Variants in CAST observed in about 807,000 individuals in gnomAD.
CAST encodes MIR583 host.
A neutral mutation model predicts 119.6 loss-of-function variants in CAST; 76 were observed. The observed-to-expected ratio is 0.64, with a 90% CI of 0.53 to 0.77. CAST has a LOEUF of 0.77. CAST is among the 30% of genes least tolerant of loss of function. The pLI is 0.00. For missense variants in CAST, 953 were observed against 946.5 expected, an observed-to-expected ratio of 1.01 and a Z score of -0.09; for synonymous variants, 319 against 331.6, an observed-to-expected ratio of 0.96 and a Z score of 0.41.
chr5:96,400,169 C>A, the CAST span: 1 of 1,613,930 alleles, frequency 6.2e-7, no homozygotes, highest in Non-Finnish European at 8.5e-7. Flanking sequence ...CTGCATATCT[C>A]GCCAGGTGAG....
intron 24 of CAST, among the ~76,000 whole-genome samples, chr5:96,759,620 G>A (rs952353251): frequency 1.3e-5 from 2 of 151,618 alleles, no homozygotes; most frequent in African/African-American, 2.4e-5. Context: ...TGAAAATAGC[G>A]GCATGAAAGT....
At chr5:95,970,458 A>T in the CAST span, among the ~76,000 whole-genome samples, 398 of 152,380 alleles carry the variant, frequency 2.6e-3, no homozygotes, top group African/African-American at 8.6e-3. Context: ...CAAGCATTTA[A>T]TGAAAGATCA....
At chr5:96,590,107 G>T (rs1226554668) in intron 1 of CAST, among the ~76,000 whole-genome samples, 1 of 152,102 alleles carries the variant, frequency 6.6e-6, no homozygotes, top group Non-Finnish European at 1.5e-5. Flanking sequence ...CCTGTGACTT[G>T]AATTCTTCTA....
At chr5:96,260,125 G>T in the CAST span, among the ~76,000 whole-genome samples, 1 of 151,942 alleles carries the variant, frequency 6.6e-6, no homozygotes, top group Non-Finnish European at 1.5e-5. Context: ...CAGAGATCCT[G>T]ATTTATTAGT....
chr5:96,771,367 A>G (rs577675969), intron 30 of CAST, among the ~76,000 whole-genome samples: 18 of 152,298 alleles, frequency 1.2e-4, no homozygotes, highest in African/African-American at 4.1e-4. Context: ...TTGCCATTTA[A>G]GAACACCTAT....
the CAST span, among the ~76,000 whole-genome samples, chr5:96,516,446 AAGC>A: frequency 6.6e-6 from 1 of 152,214 alleles, no homozygotes; most frequent in Non-Finnish European, 1.5e-5. Context: ...TGGAACAAAG[AAGC>A]ATGTTGATGC....
chr5:96,327,059 T>C, the CAST span, among the ~76,000 whole-genome samples: 1 of 152,176 alleles, frequency 6.6e-6, no homozygotes, highest in African/African-American at 2.4e-5. Context: ...AAGGGGATGG[T>C]TTTGGAGTGA....
the CAST span, among the ~76,000 whole-genome samples, chr5:96,412,686 A>G: frequency 2.7e-5 from 4 of 149,836 alleles, no homozygotes; most frequent in South Asian, 2.1e-4. Context: ...CTGCCCCCAT[A>G]AGCTTTTTTG....
Position 96,727,507 on chromosome 5 carries a change from G to C in CAST, c.355G>C (p.Glu119Gln). Residue 119 changes from glutamate to glutamine, a missense_variant, in exon 6 of 32, where the codon GAG becomes CAG. Glu to Gln is a conservative substitution (Grantham distance 29). Coordinates refer to ENST00000675179, the MANE Select transcript of CAST (RefSeq NM_001750.7). ...HKKQAVKTEP[E>Q]KKSQSTKLSV... ...AACTTAGGCTGTAAAAACAGAACCT[G>C]AGAAGAAGTCACAGTCAACCAAGGT... 1 of 1,559,548 alleles carries C rather than the reference G, an allele frequency of 6.4e-7. No homozygotes were observed. Among genetic ancestry groups the C allele is most frequent in the South Asian group, 1.2e-5 (1 of 83,612 alleles).
chr5:96,059,152 C>T, the CAST span, among the ~76,000 whole-genome samples: 1 of 152,082 alleles, frequency 6.6e-6, no homozygotes, highest in Non-Finnish European at 1.5e-5. Flanking sequence ...CTGCACCTAC[C>T]TTCCTTGGTG....
chr5:96,355,621 T>A, the CAST span, among the ~76,000 whole-genome samples: 1 of 152,214 alleles, frequency 6.6e-6, no homozygotes, highest in African/African-American at 2.4e-5. Flanking sequence ...TCCACAATAG[T>A]TGAAATAATT....
the CAST span, among the ~76,000 whole-genome samples, chr5:96,045,821 A>T: frequency 3.9e-5 from 6 of 152,162 alleles, no homozygotes; most frequent in Non-Finnish European, 8.8e-5. Context: ...TTATTTTAGT[A>T]AGAGGAGATA....
chr5:96,639,965 T>C (rs1340482737), intron 1 of CAST, among the ~76,000 whole-genome samples: 1 of 152,124 alleles, frequency 6.6e-6, no homozygotes, highest in Admixed American at 6.5e-5. Context: ...TGCCATCTCC[T>C]CTCAATCAAG....
chr5:96,175,481 T>G, the CAST span, among the ~76,000 whole-genome samples: 1 of 152,214 alleles, frequency 6.6e-6, no homozygotes, highest in Non-Finnish European at 1.5e-5. Flanking sequence ...AACTATTATT[T>G]AGTATGGAGA....
chr5:96,239,303 TTTA>T, the CAST span, among the ~76,000 whole-genome samples: 2 of 152,122 alleles, frequency 1.3e-5, no homozygotes, highest in Non-Finnish European at 2.9e-5. Context: ...GTTGTATTGT[TTTA>T]TTATTAATTT....
chr5:96,663,005 C>T, intron 1 of CAST: 1 of 672,864 alleles, frequency 1.5e-6, no homozygotes, highest in East Asian at 2.7e-5. Flanking sequence ...CTGGCAGCCG[C>T]CTTGGGATGT....
intron 4 of CAST, 66 bp downstream of exon 4, chr5:96,722,764 T>C: frequency 9.0e-7 from 1 of 1,110,298 alleles, no homozygotes; most frequent in Admixed American, 1.7e-5. Context: ...AAAACAAATG[T>C]AGACTAATTG....
chr5:96,325,081 T>A, the CAST span, among the ~76,000 whole-genome samples: 1 of 152,126 alleles, frequency 6.6e-6, no homozygotes, highest in African/African-American at 2.4e-5. Context: ...GGTGAGCACC[T>A]GTAATCTCAG....
intron 13 of CAST, 31 bp downstream of exon 13, chr5:96,740,814 A>G (rs564650789): frequency 1.4e-6 from 2 of 1,462,442 alleles, no homozygotes; most frequent in African/African-American, 2.8e-5. Context: ...TCTGATCTAA[A>G]TTAATAGTTT....
Sources: gnomAD v4.1 joint callset for allele counts (sites outside exome capture counted in the v4.1 genomes callset) on GRCh38, gnomAD v4.1.1 for gene constraint, MANE v1.5 for transcripts, NCBI Gene and HGNC (gene_info 2026-07-23, HGNC 2026-07-21) for gene names.